GSDMC: variants seen among roughly 807,000 people sequenced by gnomAD.
GSDMC encodes the protein gasdermin-C.
In GSDMC, 59 loss-of-function variants were observed where a neutral mutation model predicts 58.0. That is an observed-to-expected ratio of 1.02 (90% CI 0.82 to 1.26). GSDMC has a LOEUF of 1.26. GSDMC is among the 50% of genes most tolerant of loss of function. The pLI is 0.00. For synonymous variants in GSDMC, 241 were observed against 220.2 expected (o/e 1.09, Z -0.83); for missense variants, 659 against 598.5 (o/e 1.10, Z -1.06).
the GSDMC span, among the ~76,000 whole-genome samples, chr8:129,708,318 G>T: frequency 3.9e-5 from 6 of 152,192 alleles, no homozygotes; most frequent in South Asian, 1.2e-3. Flanking sequence ...GGCTAGTTAG[G>T]CCAGGTAAAG....
chr8:129,755,429 T>C (rs2033389880), intron 6 of GSDMC, among the ~76,000 whole-genome samples: 1 of 152,040 alleles, frequency 6.6e-6, no homozygotes, highest in South Asian at 2.1e-4. Flanking sequence ...AAAAGCTGAG[T>C]AATTTCATCA....
chr8:129,759,717 G>C (rs551573200), intron 6 of GSDMC, among the ~76,000 whole-genome samples: 1 of 152,286 alleles, frequency 6.6e-6, no homozygotes, highest in South Asian at 2.1e-4. Context: ...AATAACACAT[G>C]CTGGGGAGGA....
chr8:129,733,562 A>C, the GSDMC span, among the ~76,000 whole-genome samples: 2 of 152,224 alleles, frequency 1.3e-5, no homozygotes, highest in Admixed American at 1.3e-4. Flanking sequence ...ACTCCAACAG[A>C]CCTGCAGCTG....
chr8:129,741,951 TTC>T, the GSDMC span, among the ~76,000 whole-genome samples: 1 of 146,564 alleles, frequency 6.8e-6, no homozygotes, highest in African/African-American at 2.6e-5. Flanking sequence ...TGAAATAATA[TTC>T]AGCCTTAAAA....
chr8:129,740,142 G>C, the GSDMC span, among the ~76,000 whole-genome samples: 1 of 152,084 alleles, frequency 6.6e-6, no homozygotes, highest in Non-Finnish European at 1.5e-5. Context: ...TAGAATGTTT[G>C]GGTTTTAAGC....
At chr8:129,751,773 G>A (rs2033201751) in intron 9 of GSDMC, 89 bp downstream of exon 9, 2 of 1,372,032 alleles carry the variant, frequency 1.5e-6, no homozygotes, top group Non-Finnish European at 2.1e-6. Flanking sequence ...GGCGGTGGTG[G>A]CAAAGGCGAG....
At position 129,777,448 on chromosome 8, in the gene GSDMC, G is replaced by T; in HGVS notation, c.140C>A (p.Ser47Ter). The stretch of plus-strand genomic sequence containing the variant: ...ATAGTCAGATTGTTCCCAAAATGAT[G>T]AACGAGAATCCTTCTTCTTTCGTAA... ...VILRKKKDSRSSFWEQSDYVP... is the reference protein window; with the variant it reads ...VILRKKKDSR The change falls in exon 2 of 14, where the codon TCA (serine) becomes TAA (stop). Residue 47 changes from serine to a stop codon, truncating the protein, a stop_gained. Coordinates refer to ENST00000276708, the MANE Select transcript of GSDMC (RefSeq NM_031415.3). LOFTEE classifies it high-confidence loss of function. 6.2e-7 allele frequency: 1 copy of T among 1,613,562 alleles called. No homozygotes were observed. The highest frequency in any genetic ancestry group is 1.1e-5 in the South Asian group (1 of 91,064).
At chr8:129,734,147 C>T in the GSDMC span, among the ~76,000 whole-genome samples, 1 of 152,140 alleles carries the variant, frequency 6.6e-6, no homozygotes, top group Admixed American at 6.5e-5. Flanking sequence ...AAGAAATGAA[C>T]AAAGCCTCCA....
intron 4 of GSDMC, among the ~76,000 whole-genome samples, chr8:129,764,682 T>G (rs953434522): frequency 6.6e-6 from 1 of 152,220 alleles, no homozygotes; most frequent in Non-Finnish European, 1.5e-5. Context: ...AAGTGATTAT[T>G]ACACATCGTA....
chr8:129,710,676 T>C, the GSDMC span, among the ~76,000 whole-genome samples: 1 of 152,328 alleles, frequency 6.6e-6, no homozygotes, highest in South Asian at 2.1e-4. Flanking sequence ...TGAGTCATGA[T>C]GAACTAAGAA....
the GSDMC span, among the ~76,000 whole-genome samples, chr8:129,730,968 TA>T: frequency 6.6e-6 from 1 of 152,242 alleles, no homozygotes; most frequent in Non-Finnish European, 1.5e-5. Flanking sequence ...TGTCCTGTTC[TA>T]TGTAAATATT....
At chr8:129,740,689 T>A in the GSDMC span, among the ~76,000 whole-genome samples, 1 of 152,198 alleles carries the variant, frequency 6.6e-6, no homozygotes, top group African/African-American at 2.4e-5. Flanking sequence ...TTTATTAGAA[T>A]GTAGCTCCAT....
At chr8:129,754,619 A>G (rs1400902189) in intron 6 of GSDMC, among the ~76,000 whole-genome samples, 1 of 152,216 alleles carries the variant, frequency 6.6e-6, no homozygotes, top group Non-Finnish European at 1.5e-5. Flanking sequence ...GAAACAAGGC[A>G]CCAGGGACAA....
intron 4 of GSDMC, among the ~76,000 whole-genome samples, chr8:129,763,790 G>A (rs1408577284): frequency 6.6e-6 from 1 of 152,084 alleles, no homozygotes; most frequent in African/African-American, 2.4e-5. Flanking sequence ...ATGTTGCCCA[G>A]GCTGGTGTTG....
chr8:129,717,475 A>G, the GSDMC span, among the ~76,000 whole-genome samples: 2 of 152,006 alleles, frequency 1.3e-5, no homozygotes, highest in African/African-American at 4.8e-5. Context: ...GATGTGAAGG[A>G]ACTCTTCAAG....
At chr8:129,727,132 C>T in the GSDMC span, among the ~76,000 whole-genome samples, 1 of 152,038 alleles carries the variant, frequency 6.6e-6, no homozygotes, top group African/African-American at 2.4e-5. Context: ...GGAAATAGAG[C>T]CCTTGCAGAT....
At chr8:129,718,698 T>C in the GSDMC span, among the ~76,000 whole-genome samples, 2 of 152,158 alleles carry the variant, frequency 1.3e-5, no homozygotes, top group African/African-American at 4.8e-5. Context: ...AACCAAAGGA[T>C]TATAAATCAT....
the GSDMC span, among the ~76,000 whole-genome samples, chr8:129,720,379 TTTC>T: frequency 2.0e-5 from 3 of 152,158 alleles, no homozygotes; most frequent in African/African-American, 7.2e-5. Flanking sequence ...TATCAAAAAG[TTTC>T]TTTTTTTGTC....
the GSDMC span, among the ~76,000 whole-genome samples, chr8:129,718,482 C>T: frequency 6.6e-6 from 1 of 152,134 alleles, no homozygotes; most frequent in Admixed American, 6.5e-5. Flanking sequence ...CAATGAGATA[C>T]TACCATCTCA....
Sources: gnomAD v4.1 joint callset for allele counts (sites outside exome capture counted in the v4.1 genomes callset) on GRCh38, gnomAD v4.1.1 for gene constraint, MANE v1.5 for transcripts, NCBI Gene and HGNC (gene_info 2026-07-23, HGNC 2026-07-21) for gene names.